FAN1: variants seen among roughly 807,000 people sequenced by gnomAD.
FAN1 encodes FANCD2 and FANCI associated nuclease 1.
FAN1 carries 91 observed loss-of-function variants against 104.9 expected under a neutral mutation model. The ratio of observed to expected loss-of-function variants is 0.87; its 90% CI spans 0.73 to 1.03. FAN1 has a LOEUF of 1.03. Ranked by LOEUF, FAN1 falls within the 50% of genes least tolerant of loss-of-function variation. The pLI, the probability that FAN1 is intolerant of heterozygous loss-of-function variation, is 0.00. For missense variants in FAN1, 1,263 were observed against 1,239.9 expected (o/e 1.02, Z -0.28); for synonymous variants, 478 against 457.6 (o/e 1.04, Z -0.57).
intron 13 of FAN1, among the ~76,000 whole-genome samples, chr15:30,934,488 G>T (rs1224425436): frequency 3.3e-5 from 5 of 151,992 alleles, no homozygotes. Flanking sequence ...TTTGTCCCTT[G>T]TCTTTTTCCT....
At chr15:30,924,015 C>G (rs540515386) in intron 8 of FAN1, among the ~76,000 whole-genome samples, 14 of 152,202 alleles carry the variant, frequency 9.2e-5, no homozygotes, top group Admixed American at 2.0e-4. Context: ...TCCCCAAGCC[C>G]TGGCGACGAC....
At chr15:30,933,442 TCTG>T (rs2062766061) in intron 13 of FAN1, among the ~76,000 whole-genome samples, 2 of 152,252 alleles carry the variant, frequency 1.3e-5, no homozygotes, top group Non-Finnish European at 2.9e-5. Context: ...CAGGTATCTT[TCTG>T]CTATTGATTT....
chr15:30,910,049 A>C (rs1490849825), intron 3 of FAN1, among the ~76,000 whole-genome samples: 1 of 152,222 alleles, frequency 6.6e-6, no homozygotes, highest in Non-Finnish European at 1.5e-5. Flanking sequence ...GACAGTGTAC[A>C]CCCAATAAAT....
Position 30,905,480 on chromosome 15 carries a change from A to G in FAN1, c.817A>G (p.Asn273Asp). The stretch of plus-strand genomic sequence containing the variant: ...ATTCTCACCAGATTTCACTCTTAGG[A>G]ATACATTAAAGTCTACTTCAGAAGA... Reference protein sequence around the residue: ...MLFSPDFTLRNTLKSTSEDSL... With the variant: ...MLFSPDFTLRDTLKSTSEDSL... The change falls in exon 2 of 15, where the codon AAT becomes GAT. Residue 273 changes from asparagine to aspartate, a missense_variant. Physicochemically the swap from Asn to Asp is conservative, Grantham distance 23. This residue lies in a region of FAN1 where 682 missense variants were observed against 571.1 expected (regional missense o/e 1.19). Transcript: ENST00000362065. 1 of 1,614,100 alleles carries G rather than the reference A, an allele frequency of 6.2e-7. No homozygotes were observed. Among genetic ancestry groups the G allele is most frequent in the Non-Finnish European group, 8.5e-7 (1 of 1,179,960 alleles).
chr15:30,904,713 TATCA>T lies in FAN1; in HGVS notation c.55_58del (p.Ile19AlafsTer37). On this transcript the variant is annotated frameshift_variant, in exon 2 of 15. Transcript: ENST00000362065. LOFTEE classifies it high-confidence loss of function. ...GACAAAAAAAGGCCTCGTAGAAGCT[TATCA>T]ATCAGCAAGAATAAGAAAAAAGCAT... 2 of 1,609,510 alleles carry T rather than the reference TATCA, an allele frequency of 1.2e-6. No homozygotes were observed. Among genetic ancestry groups the T allele is most frequent in the South Asian group, 2.2e-5 (2 of 90,752 alleles).
In FAN1 at chr15:30,934,108, G is replaced by C. The variant is rs567637769; in HGVS notation, c.2917-3011G>C. ...GTATTTTGAAGGTCTGTTATAAGACGCATAGACTTTTAGGACTGTCATGTC... is the reference window on the plus strand; with the variant it reads ...GTATTTTGAAGGTCTGTTATAAGACCCATAGACTTTTAGGACTGTCATGTC... On this transcript the variant is annotated intron_variant, in intron 13 of 14. Transcript: ENST00000362065. Among the ~76,000 whole-genome samples, 3 of 152,178 alleles carry C rather than the reference G, an allele frequency of 2.0e-5. No homozygotes were observed. In the South Asian group the frequency reaches 6.2e-4, roughly 32 times the overall value.
intron 13 of FAN1, among the ~76,000 whole-genome samples, chr15:30,936,641 C>T (rs1264776159): frequency 7.9e-6 from 1 of 126,110 alleles, no homozygotes; most frequent in East Asian, 2.9e-4. Context: ...AAATCCTACA[C>T]ATCAACTGAA....
Position 30,905,236 on chromosome 15 carries a change from C to A in FAN1, c.573C>A (p.Ser191Arg). The change falls in exon 2 of 15, where the codon AGC becomes AGA. Residue 191 changes from serine to arginine, a missense_variant. Ser to Arg is a moderately radical substitution (Grantham distance 110). This residue lies in a region of FAN1 where 682 missense variants were observed against 571.1 expected (regional missense o/e 1.19). Coordinates refer to ENST00000362065, the MANE Select transcript of FAN1 (RefSeq NM_014967.5). The stretch of plus-strand genomic sequence containing the variant: ...GTTCCAAATCCACAGTTGTTAAGAG[C>A]CTGATTGATAACTCTTCAGAAATTG... The part of the protein sequence containing the change: ...PQSSKSTVVK[S>R]LIDNSSEIED... The A allele has an allele frequency of 6.2e-7, 1 of 1,613,844 alleles. No individual in the cohort carries two copies. Among genetic ancestry groups the A allele is most frequent in the Middle Eastern group, 1.6e-4 (1 of 6,062 alleles).
At chr15:30,915,486 A>G (rs2062180878) in intron 5 of FAN1, among the ~76,000 whole-genome samples, 1 of 152,200 alleles carries the variant, frequency 6.6e-6, no homozygotes, top group Admixed American at 6.5e-5. Context: ...GTTTGAGGTG[A>G]TGCCTGGTAT....
intron 4 of FAN1, among the ~76,000 whole-genome samples, chr15:30,913,137 G>C (rs1420106208): frequency 2.0e-5 from 3 of 152,218 alleles, no homozygotes; most frequent in South Asian, 4.1e-4. Context: ...GTGTGCCAGA[G>C]AGCATGACCG....
chr15:30,916,512 TA>T (rs1223520311), intron 5 of FAN1, among the ~76,000 whole-genome samples: 2 of 152,120 alleles, frequency 1.3e-5, no homozygotes, highest in South Asian at 2.1e-4. Flanking sequence ...CTGTAAATAA[TA>T]AAAATAATGA....
chr15:30,905,521 A>G lies in FAN1; in HGVS notation c.858A>G (p.Gln286=), dbSNP rs745804197. 3 of 1,614,126 alleles carry G rather than the reference A, an allele frequency of 1.9e-6. No individual in the cohort carries two copies. In the East Asian group the frequency reaches 6.7e-5, roughly 36 times the overall value. Reference sequence around the variant, plus strand: ...CTTCAGAAGACAGTCTTGTAAAGCAAGAGTGTATCAAAGAAGTGGTTGAAA... The same window carrying G: ...CTTCAGAAGACAGTCTTGTAAAGCAGGAGTGTATCAAAGAAGTGGTTGAAA... ...KSTSEDSLVK[Q]ECIKEVVEKR... The change falls in exon 2 of 15, where the codon CAA becomes CAG. Residue 286 remains glutamine, a synonymous_variant. Coordinates refer to ENST00000362065, the MANE Select transcript of FAN1 (RefSeq NM_014967.5).
At chr15:30,941,276 G>A in intron 14 of FAN1, 1 of 1,493,428 alleles carries the variant, frequency 6.7e-7, no homozygotes. Flanking sequence ...AAAGAGGACA[G>A]GAACAAAATT....
chr15:30,925,161 C>T lies in FAN1; in HGVS notation c.2207C>T (p.Pro736Leu), dbSNP rs1452542279. The change falls in exon 9 of 15, where the codon CCG becomes CTG. Residue 736 changes from proline (P) to leucine (L), a missense_variant. By Grantham distance (98) the Pro-to-Leu change is moderately conservative. Transcript: ENST00000362065. ...IKCITEGLAD[P>L]EVRTGHRLSL... The stretch of plus-strand genomic sequence containing the variant: ...TGCATCACAGAGGGGCTGGCGGATC[C>T]GGAAGTCAGAACGGGACACCGCCTT... The T allele has an allele frequency of 9.9e-6, 16 of 1,613,798 alleles. No homozygotes were observed. Among genetic ancestry groups the T allele is most frequent in the South Asian group, 4.4e-5 (4 of 91,054 alleles).
chr15:30,940,079 G>GCTAA (rs780137621), intron 14 of FAN1: 40 of 983,142 alleles, frequency 4.1e-5, no homozygotes, highest in African/African-American at 5.2e-5. Context: ...AAGGAAATAA[G>GCTAA]CTAACTAGAC....
chr15:30,920,070 C>G (rs941814691), intron 6 of FAN1, among the ~76,000 whole-genome samples: 2 of 152,232 alleles, frequency 1.3e-5, no homozygotes, highest in African/African-American at 4.8e-5. Context: ...ACCAACTTTA[C>G]TCTGCTGTTT....
chr15:30,936,985 T>C, intron 13 of FAN1, 134 bp from the exon 14 acceptor site: 1 of 715,904 alleles, frequency 1.4e-6, no homozygotes, highest in Non-Finnish European at 2.3e-6. Flanking sequence ...ATCCGTATAT[T>C]TGTGTTACAC....
chr15:30,905,474 C>T lies in FAN1; in HGVS notation c.811C>T (p.Leu271Phe). 6.2e-7 allele frequency: 1 copy of T among 1,613,980 alleles called. No individual in the cohort carries two copies. The highest frequency in any genetic ancestry group is 8.5e-7 in the Non-Finnish European group (1 of 1,179,878). ...CATGTTATTCTCACCAGATTTCACTCTTAGGAATACATTAAAGTCTACTTC... is the reference window on the plus strand; with the variant it reads ...CATGTTATTCTCACCAGATTTCACTTTTAGGAATACATTAAAGTCTACTTC... ...AIMLFSPDFT[L>F]RNTLKSTSED... is the part of the protein sequence containing the mutation. Residue 271 changes from leucine to phenylalanine, a missense_variant, in exon 2 of 15, where the codon CTT becomes TTT. Physicochemically the swap from Leu to Phe is conservative, Grantham distance 22. This residue lies in a region of FAN1 where 682 missense variants were observed against 571.1 expected (regional missense o/e 1.19). Coordinates refer to ENST00000362065, the MANE Select transcript of FAN1 (RefSeq NM_014967.5).
intron 2 of FAN1, chr15:30,906,561 ACT>A (rs557539571): frequency 2.8e-4 from 129 of 454,364 alleles, no homozygotes; most frequent in African/African-American, 2.4e-3. Flanking sequence ...GGCCATGATG[ACT>A]CTGTGGAACC....
Sources: allele counts gnomAD v4.1 joint callset (sites outside exome capture counted in the v4.1 genomes callset), GRCh38; gene constraint gnomAD v4.1.1; regional missense constraint gnomAD v4.1.1; transcripts MANE v1.5; gene names NCBI Gene and HGNC (gene_info 2026-07-23, HGNC 2026-07-21).